The following SNX9 variants were observed in gnomAD, a reference collection of about 807,000 sequenced individuals.
SNX9 encodes the protein sorting nexin-9.
SNX9 carries 44 observed loss-of-function variants against 89.4 expected under a neutral mutation model. That is an observed-to-expected ratio of 0.49 (90% confidence interval 0.39 to 0.63). The LOEUF is 0.63. Among genes scored for constraint, SNX9 ranks in the 30% least tolerant of loss-of-function variants. SNX9 has a pLI of 0.00. For missense variants in SNX9, 578 were observed against 736.1 expected, an observed-to-expected ratio of 0.79 and a Z score of 2.49; for synonymous variants, 236 against 247.8, an observed-to-expected ratio of 0.95 and a Z score of 0.45.
Position 157,906,151 on chromosome 6 carries a change from G to A in SNX9, c.644G>A (p.Gly215Asp). 1 of 1,609,102 alleles carries A rather than the reference G, an allele frequency of 6.2e-7. No individual in the cohort carries two copies. The highest frequency in any genetic ancestry group is 8.5e-7 in the Non-Finnish European group (1 of 1,178,566). Reference sequence around the variant, plus strand: ...AGATTTCCTGGATTTGCGAAACCTGGCACGGAACAGTATTTGTTGGCCAAA... The same window carrying A: ...AGATTTCCTGGATTTGCGAAACCTGACACGGAACAGTATTTGTTGGCCAAA... ...LNKFPGFAKPGTEQYLLAKQL... is the reference protein window; with the variant it reads ...LNKFPGFAKPDTEQYLLAKQL... The change falls in exon 7 of 18, where the codon GGC becomes GAC. Residue 215 changes from glycine (G) to aspartate (D), a missense_variant. Physicochemically the swap from Gly to Asp is moderately conservative, Grantham distance 94. Coordinates refer to ENST00000392185, the MANE Select transcript of SNX9 (RefSeq NM_016224.5).
chr6:157,829,216 T>C (rs891677354), intron 1 of SNX9: 1 of 152,100 alleles, frequency 6.6e-6, no homozygotes, highest in African/African-American at 2.4e-5. Flanking sequence ...TGTTTTAAGG[T>C]AGTTGGAACA....
At chr6:157,907,278 T>TTTTGTTTG (rs3838668) in intron 7 of SNX9, among the ~76,000 whole-genome samples, 2 of 151,558 alleles carry the variant, frequency 1.3e-5, no homozygotes, top group Non-Finnish European at 2.9e-5. Context: ...AGTTTTGTTT[T>TTTTGTTTG]TTTGTTTGTT....
chr6:157,860,443 G>A (rs891343108), intron 1 of SNX9, among the ~76,000 whole-genome samples: 2 of 152,164 alleles, frequency 1.3e-5, no homozygotes, highest in Non-Finnish European at 2.9e-5. Flanking sequence ...TTCAAGTTTT[G>A]TGTGTTTAAT....
At position 157,924,061 on chromosome 6, in the gene SNX9, G is replaced by T. The variant is rs1471051130; in HGVS notation, c.1080+2400G>T. On this transcript the variant is annotated intron_variant, in intron 10 of 17. Coordinates refer to ENST00000392185, the MANE Select transcript of SNX9 (RefSeq NM_016224.5). ...AAAAATACAAAAATTCGCCAGGTGT[G>T]GTGGCACACACCTGTAATCCCAGCT... 2.0e-5 allele frequency among the ~76,000 whole-genome samples: 3 copies of T among 152,136 alleles called. No individual in the cohort carries two copies. The East Asian group carries it at 5.8e-4, about 29-fold the overall frequency.
At chr6:157,919,270 C>T (rs1177645876) in intron 9 of SNX9, among the ~76,000 whole-genome samples, 4 of 152,214 alleles carry the variant, frequency 2.6e-5, no homozygotes, top group Non-Finnish European at 4.4e-5. Context: ...CTCACGTGCC[C>T]ACTCTACTAT....
At chr6:157,863,399 G>A (rs989687770) in intron 1 of SNX9, among the ~76,000 whole-genome samples, 1 of 152,210 alleles carries the variant, frequency 6.6e-6, no homozygotes, top group Non-Finnish European at 1.5e-5. Flanking sequence ...AAGTAGATTA[G>A]TAGTTAATGG....
intron 7 of SNX9, among the ~76,000 whole-genome samples, chr6:157,909,117 T>C (rs6928703): frequency 0.26 from 39,879 of 152,022 alleles, 5,687 homozygotes; most frequent in African/African-American, 0.37. Flanking sequence ...TGATTAATCG[T>C]TTCTATGAGC....
chr6:157,941,977 A>G (rs1784045268), intron 17 of SNX9, among the ~76,000 whole-genome samples: 1 of 152,184 alleles, frequency 6.6e-6, no homozygotes, highest in Admixed American at 6.5e-5. Context: ...AACAGATTAC[A>G]TTTGTCTGTG....
rs80258061 is a variant in SNX9, at chr6:157,920,606, A to G, written c.950-925A>G. Among the ~76,000 whole-genome samples, 353 of 152,286 alleles carry G rather than the reference A, an allele frequency of 2.3e-3. 13 individuals carry two copies. The East Asian group carries it at 0.055, about 24-fold the overall frequency. ...AGTTCTTCAAGCATAAACACTTCTC[A>G]GGTGGCCATTCGCCTTTTGTTGATT... On this transcript the variant is annotated intron_variant, in intron 9 of 17. Transcript: ENST00000392185.
At chr6:157,839,633 G>A (rs7743251) in intron 1 of SNX9, among the ~76,000 whole-genome samples, 44,917 of 152,114 alleles carry the variant, frequency 0.3, 7,971 homozygotes, top group African/African-American at 0.5. Context: ...TTACATCCCC[G>A]TCCTGCTGGG....
chr6:157,884,840 G>A (rs1481244313), intron 4 of SNX9, among the ~76,000 whole-genome samples: 5 of 152,126 alleles, frequency 3.3e-5, no homozygotes, highest in African/African-American at 1.2e-4. Flanking sequence ...TTGTCTAACT[G>A]GAAACAAACT....
intron 4 of SNX9, among the ~76,000 whole-genome samples, chr6:157,883,752 C>G (rs925755032): frequency 2.0e-5 from 3 of 152,148 alleles, no homozygotes; most frequent in Admixed American, 6.6e-5. Flanking sequence ...TTTCAGAAGC[C>G]CATCTCTTCA....
chr6:157,840,518 T>A (rs13217442), intron 1 of SNX9, among the ~76,000 whole-genome samples: 5,514 of 152,152 alleles, frequency 0.036, 123 homozygotes, highest in Middle Eastern at 0.075. Flanking sequence ...TCTTTCTTTT[T>A]TAAAGAGTTG....
At chr6:157,897,139 G>A in intron 5 of SNX9, 141 bp downstream of exon 5, 1 of 785,714 alleles carries the variant, frequency 1.3e-6, no homozygotes, top group Non-Finnish European at 1.9e-6. Context: ...AGGGAGGATT[G>A]CCCCACCCAC....
At chr6:157,863,627 A>AT (rs2115131590) in intron 1 of SNX9, among the ~76,000 whole-genome samples, 1 of 152,308 alleles carries the variant, frequency 6.6e-6, no homozygotes, top group African/African-American at 2.4e-5. Context: ...AAAATGGACC[A>AT]TTTCTTTCAA....
Position 157,897,286 on chromosome 6 carries a change from A to G in SNX9, c.472+288A>G, listed in dbSNP as rs529112319. ...CTGGAGCGGCTCACAGAACTCAGGG[A>G]AACACTTTACTTACTACTGTCAGTT... On this transcript the variant is annotated intron_variant, in intron 5 of 17. Coordinates refer to ENST00000392185, the MANE Select transcript of SNX9 (RefSeq NM_016224.5). Among the ~76,000 whole-genome samples, 10 of 152,296 alleles carry G rather than the reference A, an allele frequency of 6.6e-5. No individual in the cohort carries two copies. The South Asian group carries it at 1.7e-3, about 25-fold the overall frequency.
chr6:157,921,748 T>C, intron 10 of SNX9, 87 bp downstream of exon 10: 1 of 1,424,590 alleles, frequency 7.0e-7, no homozygotes. Context: ...GTTAAAATTA[T>C]GTTGGTTAGT....
intron 1 of SNX9, among the ~76,000 whole-genome samples, chr6:157,840,143 AGGCTGGTGCTTGGGGTGTCTTTG>A (rs879293456): frequency 0.093 from 10,301 of 110,882 alleles, 589 homozygotes; most frequent in African/African-American, 0.18. Flanking sequence ...GCAGACCCTC[AGGCTGGTGCTTGGGGTGTCTTTG>A]GATCTCGGGA....
intron 1 of SNX9, among the ~76,000 whole-genome samples, chr6:157,834,137 G>C (rs972364167): frequency 7.4e-6 from 1 of 135,560 alleles, no homozygotes; most frequent in African/African-American, 2.9e-5. Context: ...CCTGCCATGT[G>C]GTGTCCACTG....
Sources: allele counts gnomAD v4.1 joint callset (sites outside exome capture counted in the v4.1 genomes callset), GRCh38; gene constraint gnomAD v4.1.1; transcripts MANE v1.5; gene names NCBI Gene and HGNC (gene_info 2026-07-23, HGNC 2026-07-21).